ANKS1B: variants seen among roughly 807,000 people sequenced by gnomAD.
ANKS1B encodes the protein ankyrin repeat and sterile alpha motif domain containing 1B.
ANKS1B carries 36 observed loss-of-function variants against 148.3 expected under a neutral mutation model. That is an observed-to-expected ratio of 0.24 (90% CI 0.19 to 0.32). The LOEUF is 0.32. Ranked by LOEUF, ANKS1B falls within the 10% of genes least tolerant of loss-of-function variation. ANKS1B has a pLI of 1.00. For missense variants in ANKS1B, 1,157 were observed against 1,542.6 expected (o/e 0.75, Z 4.19); for synonymous variants, 542 against 560.8 (o/e 0.97, Z 0.47).
chr12:99,483,116 A>T (rs111457864), intron 10 of ANKS1B, among the ~76,000 whole-genome samples: 1 of 151,386 alleles, frequency 6.6e-6, no homozygotes, highest in African/African-American at 2.4e-5. Context: ...TTCCCATTCC[A>T]TATGATGTTG....
Position 99,984,259 on chromosome 12 carries a change from CAG to C in ANKS1B, c.-24_-23del, listed in dbSNP as rs1210910933. 2 of 1,607,582 alleles carry C rather than the reference CAG, an allele frequency of 1.2e-6. No homozygotes were observed. Among genetic ancestry groups the C allele is most frequent in the African/African-American group, 2.7e-5 (2 of 74,818 alleles). ...CCATAGTCTCTCACCGACTCCCCCA[CAG>C]AGTCCTTGCCCCCCTCGGGTCCTCC... On this transcript the variant is annotated 5_prime_UTR_variant, in exon 1 of 27. Coordinates refer to ENST00000683438, the MANE Select transcript of ANKS1B (RefSeq NM_001352186.2).
intron 9 of ANKS1B, among the ~76,000 whole-genome samples, chr12:99,515,977 A>G (rs557735542): frequency 1.3e-5 from 2 of 152,192 alleles, no homozygotes; most frequent in East Asian, 3.9e-4. Flanking sequence ...AGAAATGTCT[A>G]TTCAAATCTG....
intron 1 of ANKS1B, among the ~76,000 whole-genome samples, chr12:99,836,536 A>G (rs2084889159): frequency 6.6e-6 from 1 of 151,996 alleles, no homozygotes; most frequent in South Asian, 2.1e-4. Flanking sequence ...AGCAAAAGTA[A>G]CTCCTTGAGT....
At position 99,449,892 on chromosome 12, in the gene ANKS1B, CATCTATCTATCTATCTATCTATCTATCT is replaced by C. The variant is rs55765630; in HGVS notation, c.1439-6111_1439-6084del. On this transcript the variant is annotated intron_variant, in intron 10 of 26. Coordinates refer to ENST00000683438, the MANE Select transcript of ANKS1B (RefSeq NM_001352186.2). ...AGAAATAGGACCAACAGGATCTATC[CATCTATCTATCTATCTATCTATCTATCT>C]ATCTATCTATCTATCTATCTATCTA... is the stretch of plus-strand genomic sequence containing the variant. 7.4e-5 allele frequency among the ~76,000 whole-genome samples: 11 copies of C among 147,968 alleles called. No individual in the cohort carries two copies. The South Asian group carries it at 1.8e-3, about 24-fold the overall frequency.
chr12:99,090,210 C>A (rs1009772725), intron 15 of ANKS1B, among the ~76,000 whole-genome samples: 3 of 152,130 alleles, frequency 2.0e-5, no homozygotes, highest in African/African-American at 7.2e-5. Flanking sequence ...AAAAACATCT[C>A]AAAAATATCT....
chr12:99,836,206 TAC>T (rs1327521173), intron 1 of ANKS1B, among the ~76,000 whole-genome samples: 1 of 152,098 alleles, frequency 6.6e-6, no homozygotes, highest in African/African-American at 2.4e-5. Context: ...TCGAAACACA[TAC>T]AGACACATAC....
chr12:98,985,094 G>A (rs1482838181), intron 17 of ANKS1B, among the ~76,000 whole-genome samples: 1 of 152,056 alleles, frequency 6.6e-6, no homozygotes, highest in Non-Finnish European at 1.5e-5. Flanking sequence ...TATCCAATAT[G>A]ACAAGCCCTA....
intron 16 of ANKS1B, among the ~76,000 whole-genome samples, 191 bp downstream of exon 16, chr12:99,084,734 A>G (rs2051024925): frequency 6.6e-6 from 1 of 152,096 alleles, no homozygotes; most frequent in African/African-American, 2.4e-5. Context: ...AAAAAACAAT[A>G]AAACCTCAAG....
intron 17 of ANKS1B, among the ~76,000 whole-genome samples, chr12:98,961,956 C>T (rs574478886): frequency 4.0e-5 from 6 of 151,034 alleles, no homozygotes; most frequent in African/African-American, 1.5e-4. Context: ...AACATACCAC[C>T]AGAGAAAATC....
intron 17 of ANKS1B, among the ~76,000 whole-genome samples, chr12:98,874,686 T>C (rs997436408): frequency 3.9e-5 from 6 of 152,056 alleles, no homozygotes; most frequent in African/African-American, 1.2e-4. Context: ...TACCTGAATA[T>C]AGGGAAAATG....
At chr12:99,105,442 A>G (rs975350814) in intron 15 of ANKS1B, among the ~76,000 whole-genome samples, 6 of 152,190 alleles carry the variant, frequency 3.9e-5, no homozygotes, top group African/African-American at 1.4e-4. Context: ...TAGGAGTTGT[A>G]GCTTTAGTGT....
rs187553750 is a variant in ANKS1B, at chr12:99,788,498, C to T, written c.670-6401G>A. 8.1e-4 allele frequency among the ~76,000 whole-genome samples: 124 copies of T among 152,294 alleles called. 1 individual carries two copies. Among genetic ancestry groups the T allele is most frequent in the Admixed American group, 6.8e-3 (104 of 15,294 alleles). ...GGGAGTACACCATGGGCCTTGTTGT[C>T]TGAGAAATGCTGGCTTCAAGGGTCA... On this transcript the variant is annotated intron_variant, in intron 4 of 26. Transcript: ENST00000683438.
intron 8 of ANKS1B, among the ~76,000 whole-genome samples, chr12:99,754,201 G>C (rs1421376214): frequency 6.6e-6 from 1 of 151,840 alleles, no homozygotes; most frequent in African/African-American, 2.4e-5. Context: ...AAAAAGCAAG[G>C]GTTGCTATTC....
At chr12:99,937,882 T>A (rs917696549) in intron 1 of ANKS1B, among the ~76,000 whole-genome samples, 1 of 152,136 alleles carries the variant, frequency 6.6e-6, no homozygotes, top group Admixed American at 6.6e-5. Context: ...AAATCAGTCA[T>A]GAATCCTGCC....
At chr12:99,646,925 C>A (rs1598767282) in intron 9 of ANKS1B, among the ~76,000 whole-genome samples, 1 of 148,440 alleles carries the variant, frequency 6.7e-6, no homozygotes, top group African/African-American at 2.5e-5. Flanking sequence ...AGGTAAAACT[C>A]AAAAATTGCA....
chr12:99,383,962 T>C (rs897264170), intron 12 of ANKS1B, among the ~76,000 whole-genome samples: 25 of 151,960 alleles, frequency 1.6e-4, no homozygotes, highest in Non-Finnish European at 2.2e-4. Flanking sequence ...CCTGGAAGTG[T>C]AGGCTGCAGT....
chr12:99,113,848 T>C (rs1200849137), intron 15 of ANKS1B, among the ~76,000 whole-genome samples: 2 of 152,216 alleles, frequency 1.3e-5, no homozygotes, highest in African/African-American at 4.8e-5. Context: ...AGATTTTGTA[T>C]TGATTTGTAT....
intron 17 of ANKS1B, among the ~76,000 whole-genome samples, chr12:98,839,379 C>CTATG (rs1218519482): frequency 3.7e-4 from 46 of 124,350 alleles, no homozygotes; most frequent in Middle Eastern, 8.2e-3. Flanking sequence ...ATGTAGGCAT[C>CTATG]TATGTATGTA....
intron 9 of ANKS1B, among the ~76,000 whole-genome samples, chr12:99,563,094 G>T (rs1464566966): frequency 6.6e-6 from 1 of 152,066 alleles, no homozygotes; most frequent in Non-Finnish European, 1.5e-5. Flanking sequence ...ATTAGCTTTT[G>T]GCTTAAGAGA....
Sources: gnomAD v4.1 joint callset for allele counts (sites outside exome capture counted in the v4.1 genomes callset) on GRCh38, gnomAD v4.1.1 for gene constraint, MANE v1.5 for transcripts, NCBI Gene and HGNC (gene_info 2026-07-23, HGNC 2026-07-21) for gene names.